PIK3CA: variants seen among roughly 807,000 people sequenced by gnomAD.
PIK3CA encodes phosphatidylinositol-4,5-bisphosphate 3-kinase catalytic subunit alpha.
PIK3CA carries 27 observed loss-of-function variants against 138.2 expected under a neutral mutation model. The observed-to-expected ratio is 0.20, with a 90% CI of 0.14 to 0.27. The LOEUF is 0.27. Ranked by LOEUF, PIK3CA falls within the 10% of genes least tolerant of loss-of-function variation. The probability of loss-of-function intolerance (pLI) is 1.00; values close to 1 mark genes in which losing one functional copy is unlikely to be tolerated. For missense variants in PIK3CA, 544 were observed against 1,277.4 expected, an observed-to-expected ratio of 0.43 and a Z score of 8.75; for synonymous variants, 358 against 413.2, an observed-to-expected ratio of 0.87 and a Z score of 1.62.
chr3:179,155,883 C>T (rs902464931), intron 1 of PIK3CA, among the ~76,000 whole-genome samples: 47 of 152,258 alleles, frequency 3.1e-4, no homozygotes, highest in African/African-American at 1.0e-3. Context: ...AAAAAAAATT[C>T]GATCACGAAT....
intron 14 of PIK3CA, among the ~76,000 whole-genome samples, chr3:179,221,669 A>G (rs1724969597): frequency 1.3e-5 from 2 of 150,744 alleles, no homozygotes; most frequent in South Asian, 4.2e-4. Context: ...AGCTTAGTAT[A>G]ACTAAGAGTA....
chr3:179,193,314 T>C (rs1724183754), intron 1 of PIK3CA, among the ~76,000 whole-genome samples: 1 of 152,270 alleles, frequency 6.6e-6, no homozygotes. Flanking sequence ...GCCTCTTGTA[T>C]TATCTTTTGG....
At position 179,237,851 on chromosome 3, in the gene PIK3CA, A is replaced by G. The variant is rs1725360885; in HGVS notation, c.*3487A>G. On this transcript the variant is annotated 3_prime_UTR_variant, in exon 21 of 21. Coordinates refer to ENST00000263967, the MANE Select transcript of PIK3CA (RefSeq NM_006218.4). ...GCCTGTTAACTTTTTCTGAATATTTAAAGTTCCTCTTTTTTCTATGTCTGC... is the reference window on the plus strand; with the variant it reads ...GCCTGTTAACTTTTTCTGAATATTTGAAGTTCCTCTTTTTTCTATGTCTGC... 4.8e-6 allele frequency: 1 copy of G among 210,102 alleles called. No individual in the cohort carries two copies. The highest frequency in any genetic ancestry group is 9.7e-6 in the Non-Finnish European group (1 of 103,372). 13.0% of individuals were successfully genotyped at this position (210,102 alleles called of 1,614,324 possible).
intron 1 of PIK3CA, among the ~76,000 whole-genome samples, chr3:179,161,286 A>C (rs1363807710): frequency 2.0e-5 from 3 of 152,196 alleles, no homozygotes; most frequent in Non-Finnish European, 4.4e-5. Flanking sequence ...TCTCTAGGCA[A>C]AGGGGGTAAC....
At chr3:179,209,500 G>T (rs757003335) in intron 6 of PIK3CA, 95 bp from the exon 7 acceptor site, 2 of 651,102 alleles carry the variant, frequency 3.1e-6, no homozygotes, top group African/African-American at 1.8e-5. Flanking sequence ...TTTTTCGTTT[G>T]GTTGATCTTT....
chr3:179,187,168 T>C (rs909060262), intron 1 of PIK3CA, among the ~76,000 whole-genome samples: 2 of 152,030 alleles, frequency 1.3e-5, no homozygotes, highest in Non-Finnish European at 2.9e-5. Context: ...TACCATCTCT[T>C]TACAACAAGC....
intron 1 of PIK3CA, among the ~76,000 whole-genome samples, chr3:179,179,457 A>G (rs1723785918): frequency 6.6e-6 from 1 of 152,246 alleles, no homozygotes; most frequent in Non-Finnish European, 1.5e-5. Context: ...AAACTAATCT[A>G]TAATTACAGA....
intron 4 of PIK3CA, among the ~76,000 whole-genome samples, chr3:179,202,803 A>G (rs1724449018): frequency 6.6e-6 from 1 of 152,206 alleles, no homozygotes; most frequent in South Asian, 2.1e-4. Context: ...ATGTTTGGAC[A>G]AAAAAGCAAG....
chr3:179,166,203 T>A (rs1214873095), intron 1 of PIK3CA, among the ~76,000 whole-genome samples: 5 of 152,194 alleles, frequency 3.3e-5, no homozygotes, highest in Admixed American at 3.3e-4. Context: ...CTTGAGAAAT[T>A]AAGTATTTGC....
At chr3:179,199,219 A>T in intron 2 of PIK3CA, 42 bp downstream of exon 2, 1 of 1,253,572 alleles carries the variant, frequency 8.0e-7, no homozygotes, top group Non-Finnish European at 1.1e-6. Context: ...ATAACCATAA[A>T]GCTTAACTGT....
intron 18 of PIK3CA, 70 bp downstream of exon 18, chr3:179,229,512 T>A (rs2108423401): frequency 8.6e-7 from 1 of 1,169,290 alleles, no homozygotes; most frequent in Non-Finnish European, 1.2e-6. Flanking sequence ...GGTGTTTGTG[T>A]ATTCCTCTGA....
chr3:179,223,228 GA>G (rs897394949), intron 14 of PIK3CA, among the ~76,000 whole-genome samples: 4 of 152,146 alleles, frequency 2.6e-5, no homozygotes, highest in South Asian at 2.1e-4. Context: ...ATAACAAGAA[GA>G]AAAAAACTTA....
intron 1 of PIK3CA, among the ~76,000 whole-genome samples, chr3:179,152,374 A>G (rs1723035102): frequency 6.6e-6 from 1 of 152,198 alleles, no homozygotes; most frequent in Admixed American, 6.5e-5. Flanking sequence ...TTTGGGTGTC[A>G]TGTATAATAC....
rs1211677780 is a variant in PIK3CA, at chr3:179,224,197, T to TG, written c.2294+15dup. 2 of 1,363,768 alleles carry TG rather than the reference T, an allele frequency of 1.5e-6. No homozygotes were observed. The highest frequency in any genetic ancestry group is 1.0e-6 in the Non-Finnish European group (1 of 968,924). The allele number at this position is 1,363,768 out of a possible 1,614,324, so 84.5% of individuals were successfully genotyped here. ...AACTAGGAAACCTCAGGTACTTTCT[T>TG]GGGGGTTTCATTGATATATTTAAAT... is the stretch of plus-strand genomic sequence containing the variant. On this transcript the variant is annotated intron_variant, in intron 15 of 20. Transcript: ENST00000263967.
intron 1 of PIK3CA, among the ~76,000 whole-genome samples, chr3:179,152,519 A>G (rs1723038640): frequency 6.6e-6 from 1 of 152,192 alleles, no homozygotes; most frequent in Admixed American, 6.5e-5. Context: ...TGGCAGGATT[A>G]CTTTGGACAG....
At chr3:179,168,369 CCAGT>C (rs1723470161) in intron 1 of PIK3CA, among the ~76,000 whole-genome samples, 1 of 152,050 alleles carries the variant, frequency 6.6e-6, no homozygotes, top group African/African-American at 2.4e-5. Context: ...AATAGCATTG[CCAGT>C]CAGATAATTT....
rs756008565 is a variant in PIK3CA, at chr3:179,201,424, T to A, written c.697T>A (p.Leu233Met). 2 of 1,613,912 alleles carry A rather than the reference T, an allele frequency of 1.2e-6. No individual in the cohort carries two copies. The highest frequency in any genetic ancestry group is 1.7e-6 in the Non-Finnish European group (2 of 1,179,942). Residue 233 changes from leucine to methionine, a missense_variant, in exon 4 of 21, where the codon TTG becomes ATG. Leu to Met is a conservative substitution (Grantham distance 15). Around this residue, in one of 14 missense-constraint regions of PIK3CA, gnomAD observed 234 missense variants for 401.3 expected, o/e 0.58. Coordinates refer to ENST00000263967, the MANE Select transcript of PIK3CA (RefSeq NM_006218.4). ...AATCAGGAAAAAAACTCGAAGTATG[T>A]TGCTATCCTCTGAACAACTAAAACT... ...EAIRKKTRSM[L>M]LSSEQLKLCV...
intron 17 of PIK3CA, among the ~76,000 whole-genome samples, chr3:179,228,465 T>C (rs1725134345): frequency 6.6e-6 from 1 of 152,080 alleles, no homozygotes. Flanking sequence ...GAAACTTATC[T>C]TGTCAGGTTT....
At position 179,198,785 on chromosome 3, in the gene PIK3CA, T is replaced by C; in HGVS notation, c.-41T>C. On this transcript the variant is annotated 5_prime_UTR_variant, in exon 2 of 21. Transcript: ENST00000263967. ...TGGGACAACCATACATCTAATTCCT[T>C]AAAGTAGTTTTATATGTAAAACTTG... The C allele has an allele frequency of 8.5e-7, 1 of 1,182,686 alleles. No individual in the cohort carries two copies. The highest frequency in any genetic ancestry group is 1.2e-6 in the Non-Finnish European group (1 of 844,698). The allele number at this position is 1,182,686 out of a possible 1,614,324, so 73.3% of individuals were successfully genotyped here. A position where few individuals can be genotyped will look rare whatever the true frequency, so the allele number is the denominator to read the frequency against.
Sources: gnomAD v4.1 joint callset for allele counts (sites outside exome capture counted in the v4.1 genomes callset) on GRCh38, gnomAD v4.1.1 for gene constraint, gnomAD v4.1.1 regional missense constraint, MANE v1.5 for transcripts, NCBI Gene and HGNC (gene_info 2026-07-23, HGNC 2026-07-21) for gene names.